Variants in ZNF184 observed in about 807,000 individuals in gnomAD.
ZNF184 encodes the protein zinc finger protein 184 (Kruppel-like).
In ZNF184, 16 loss-of-function variants were observed where a neutral mutation model predicts 54.4. The observed-to-expected ratio is 0.29, with a 90% CI of 0.20 to 0.45. ZNF184 has a LOEUF of 0.45. Among genes scored for constraint, ZNF184 ranks in the 20% least tolerant of loss-of-function variants. The pLI is 1.00. For missense variants in ZNF184, 681 were observed against 888.2 expected (o/e 0.77, Z 2.97); for synonymous variants, 254 against 295.3 (o/e 0.86, Z 1.43).
chr6:27,407,484 T>C, the ZNF184 span, among the ~76,000 whole-genome samples: 1 of 152,158 alleles, frequency 6.6e-6, no homozygotes, highest in African/African-American at 2.4e-5. Context: ...GTAGCTTCAC[T>C]CTCTCTCTGG....
At chr6:27,417,331 T>A in the ZNF184 span, among the ~76,000 whole-genome samples, 1 of 152,174 alleles carries the variant, frequency 6.6e-6, no homozygotes, top group African/African-American at 2.4e-5. Context: ...AAAACCCTAT[T>A]TCAGCCTAAT....
the ZNF184 span, among the ~76,000 whole-genome samples, chr6:27,422,140 C>CAA: frequency 1.8e-3 from 52 of 29,350 alleles, 4 homozygotes; most frequent in African/African-American, 6.2e-3. Context: ...GGCCGTACCT[C>CAA]AAAAAAAAAA....
chr6:27,432,202 G>C, the ZNF184 span, among the ~76,000 whole-genome samples: 3 of 152,116 alleles, frequency 2.0e-5, no homozygotes, highest in South Asian at 2.1e-4. The surrounding 1 kb of genome is among the most constrained non-coding windows in gnomAD (Gnocchi z 4.0). Context: ...AAAGCTGTCG[G>C]CAGTCAACTA....
At chr6:27,423,972 TTG>T in the ZNF184 span, among the ~76,000 whole-genome samples, 4 of 152,216 alleles carry the variant, frequency 2.6e-5, no homozygotes, top group Admixed American at 6.5e-5. Flanking sequence ...TTATTAGTTG[TTG>T]TGTCTGGAAA....
chr6:27,408,023 A>C, the ZNF184 span: 5 of 1,046,678 alleles, frequency 4.8e-6, no homozygotes, highest in Non-Finnish European at 7.5e-6. Flanking sequence ...TCTTGGTTAT[A>C]TGCAAATGTG....
At chr6:27,462,733 T>C (rs1482193417) in intron 3 of ZNF184, among the ~76,000 whole-genome samples, 1 of 150,654 alleles carries the variant, frequency 6.6e-6, no homozygotes, top group African/African-American at 2.4e-5. Context: ...GTCATGGTGG[T>C]GAGCGCCTGT....
chr6:27,424,369 C>G, the ZNF184 span, among the ~76,000 whole-genome samples: 90,411 of 152,014 alleles, frequency 0.59, 27,231 homozygotes, highest in Middle Eastern at 0.75. Flanking sequence ...GGAAAGCCGA[C>G]AGAGTTGCCA....
chr6:27,446,208 A>G (rs1028156829), downstream of ZNF184, among the ~76,000 whole-genome samples: 1 of 152,206 alleles, frequency 6.6e-6, no homozygotes, highest in Non-Finnish European at 1.5e-5. Context: ...CATTTCAAAG[A>G]TCTTCAAGTC....
chr6:27,442,812 GAGAA>G, the ZNF184 span, among the ~76,000 whole-genome samples: 5,556 of 51,908 alleles, frequency 0.11, 363 homozygotes, highest in South Asian at 0.16. Context: ...GAGAAAGAAA[GAGAA>G]AGAAAGAAAG....
chr6:27,457,540 G>T, intron 3 of ZNF184, 131 bp from the exon 4 acceptor site: 1 of 1,033,762 alleles, frequency 9.7e-7, no homozygotes, highest in Non-Finnish European at 1.4e-6. Context: ...TCTCCTTTAT[G>T]AAATAAATGT....
rs751747745 is a variant in ZNF184 at position 27,467,845 on chromosome 6, C to T, written c.75+8G>A. 1.2e-6 allele frequency: 2 copies of T among 1,606,756 alleles called. No individual in the cohort carries two copies. The highest frequency in any genetic ancestry group is 2.2e-5 in the East Asian group (1 of 44,650). Reference sequence around the variant, plus strand: ...AATAAAATGGCATTTCAAGAAACCACATCTTACCTGAAAACTGGCTGATGA... The same window carrying T: ...AATAAAATGGCATTTCAAGAAACCATATCTTACCTGAAAACTGGCTGATGA... On this transcript the variant is annotated splice_region_variant and intron_variant, in intron 3 of 5. Transcript: ENST00000683788.
the ZNF184 span, among the ~76,000 whole-genome samples, chr6:27,427,829 G>A: frequency 6.6e-6 from 1 of 152,184 alleles, no homozygotes; most frequent in Non-Finnish European, 1.5e-5. Context: ...CAATAGCTGG[G>A]AGTGCCACTC....
chr6:27,434,132 C>T, the ZNF184 span, among the ~76,000 whole-genome samples: 20 of 152,214 alleles, frequency 1.3e-4, no homozygotes, highest in African/African-American at 4.3e-4. Flanking sequence ...GTGATCCTCC[C>T]GCCTCAGCCT....
the ZNF184 span, among the ~76,000 whole-genome samples, chr6:27,431,583 A>G: frequency 1.3e-5 from 2 of 152,204 alleles, no homozygotes; most frequent in South Asian, 4.1e-4. Flanking sequence ...AACCTTTAGC[A>G]ACTGCCAACA....
chr6:27,422,953 C>T, the ZNF184 span, among the ~76,000 whole-genome samples: 2 of 152,160 alleles, frequency 1.3e-5, no homozygotes. Flanking sequence ...GTCCCGCATC[C>T]CCTTTAATAG....
chr6:27,410,105 A>G, the ZNF184 span, among the ~76,000 whole-genome samples: 1 of 152,364 alleles, frequency 6.6e-6, no homozygotes, highest in African/African-American at 2.4e-5. Flanking sequence ...TGGCTATACC[A>G]TGTAGGTTTG....
chr6:27,442,824 A>AAG, the ZNF184 span, among the ~76,000 whole-genome samples: 2 of 31,512 alleles, frequency 6.3e-5, no homozygotes, highest in Admixed American at 3.1e-4. Context: ...GAAAGAAAGA[A>AAG]AGAAAGAAAG....
the ZNF184 span, among the ~76,000 whole-genome samples, chr6:27,428,260 G>A: frequency 5.3e-5 from 8 of 152,138 alleles, no homozygotes; most frequent in Non-Finnish European, 1.0e-4. The surrounding 1 kb of genome is among the most constrained non-coding windows in gnomAD (Gnocchi z 4.1). Context: ...CTTCTAATCT[G>A]TGTGGGCAAA....
chr6:27,460,071 G>T (rs1762959109), intron 3 of ZNF184, among the ~76,000 whole-genome samples: 1 of 152,316 alleles, frequency 6.6e-6, no homozygotes, highest in East Asian at 1.9e-4. Flanking sequence ...GGAAGCTGAG[G>T]TGGGAGGATT....
Sources: gnomAD v4.1 joint callset for allele counts (sites outside exome capture counted in the v4.1 genomes callset) on GRCh38, gnomAD v4.1.1 for gene constraint, Gnocchi (gnomAD v3.1) non-coding constraint, MANE v1.5 for transcripts, NCBI Gene and HGNC (gene_info 2026-07-23, HGNC 2026-07-21) for gene names.